Variants in NCKAP1 observed in about 807,000 individuals in gnomAD.
The protein encoded by NCKAP1 is nck-associated protein 1.
A neutral mutation model predicts 151.2 loss-of-function variants in NCKAP1; 21 were observed. The ratio of observed to expected loss-of-function variants is 0.14; its 90% CI spans 0.10 to 0.20. NCKAP1 has a LOEUF of 0.20. Ranked by LOEUF, NCKAP1 falls within the 10% of genes least tolerant of loss-of-function variation. The pLI, the probability that NCKAP1 is intolerant of heterozygous loss-of-function variation, is 1.00. For missense variants in NCKAP1, 933 were observed against 1,352.1 expected, an observed-to-expected ratio of 0.69 and a Z score of 4.86; for synonymous variants, 484 against 451.8, an observed-to-expected ratio of 1.07 and a Z score of -0.90.
chr2:182,994,883 G>A lies in NCKAP1; in HGVS notation c.746C>T (p.Pro249Leu). Residue 249 changes from proline to leucine, a missense_variant, in exon 8 of 31, where the codon CCT becomes CTT. Physicochemically the swap from Pro to Leu is moderately conservative, Grantham distance 98 (BLOSUM62 -3). Around this residue, in one of 2 missense-constraint regions of NCKAP1, gnomAD observed 607 missense variants for 795.0 expected, o/e 0.76. Transcript: ENST00000361354. ...MLNPAQSDTM[P>L]CEYLSLDAME... ...TGCATCCAAAGAGAGGTATTCACAAGGCATCTTAAAAAGAGAATATATACA... is the reference window on the plus strand; with the variant it reads ...TGCATCCAAAGAGAGGTATTCACAAAGCATCTTAAAAAGAGAATATATACA... The A allele has an allele frequency of 6.2e-7, 1 of 1,603,452 alleles. No homozygotes were observed. Among genetic ancestry groups the A allele is most frequent in the South Asian group, 1.1e-5 (1 of 90,706 alleles).
Position 182,934,831 on chromosome 2 carries a change from A to G in NCKAP1, c.2780T>C (p.Val927Ala). 7.3e-7 allele frequency: 1 copy of G among 1,369,124 alleles called. No homozygotes were observed. The highest frequency in any genetic ancestry group is 1.0e-6 in the Non-Finnish European group (1 of 977,128). The allele number at this position is 1,369,124 out of a possible 1,614,324, so 84.8% of individuals were successfully genotyped here. The change falls in exon 26 of 31, where the codon GTC (valine) becomes GCC (alanine). Residue 927 changes from valine (V) to alanine (A), a missense_variant and splice_region_variant. Physicochemically the swap from Val to Ala is moderately conservative, Grantham distance 64. Coordinates refer to ENST00000361354, the MANE Select transcript of NCKAP1 (RefSeq NM_013436.5). Reference sequence around the variant, plus strand: ...AAGAAAAGGAATGTGGTAGGATAAGACCTAGGCAGGATAACAAATAAGAAT... The same window carrying G: ...AAGAAAAGGAATGTGGTAGGATAAGGCCTAGGCAGGATAACAAATAAGAAT... ...RSLAQEALRD[V>A]LSYHIPFLVS...
At chr2:183,034,154 T>C (rs1026517475) in intron 1 of NCKAP1, among the ~76,000 whole-genome samples, 2 of 152,124 alleles carry the variant, frequency 1.3e-5, no homozygotes, top group African/African-American at 4.8e-5. Flanking sequence ...ACTGCTCCCT[T>C]CACAAACATC....
At chr2:182,978,390 G>A (rs2105849885) in intron 14 of NCKAP1, among the ~76,000 whole-genome samples, 1 of 152,252 alleles carries the variant, frequency 6.6e-6, no homozygotes, top group African/African-American at 2.4e-5. Context: ...GGCAAATTAT[G>A]TTCAGTAACT....
At chr2:182,951,374 G>C (rs950755994) in intron 23 of NCKAP1, among the ~76,000 whole-genome samples, 3 of 151,476 alleles carry the variant, frequency 2.0e-5, no homozygotes, top group Admixed American at 6.6e-5. Context: ...ATTTTCTTAA[G>C]AAACTAAAAA....
At chr2:183,005,323 C>T (rs1433174368) in intron 2 of NCKAP1, among the ~76,000 whole-genome samples, 1 of 152,160 alleles carries the variant, frequency 6.6e-6, no homozygotes, top group African/African-American at 2.4e-5. Context: ...TTCCTTCCAA[C>T]TTCAGTGTCC....
intron 1 of NCKAP1, among the ~76,000 whole-genome samples, chr2:183,032,096 A>G (rs1699015043): frequency 6.6e-6 from 1 of 152,190 alleles, no homozygotes; most frequent in African/African-American, 2.4e-5. Context: ...CAGGATCCAG[A>G]TGTATGGAAT....
In NCKAP1 at chr2:182,978,861, T is replaced by A; in HGVS notation, c.1396A>T (p.Thr466Ser). 1 of 1,605,534 alleles carries A rather than the reference T, an allele frequency of 6.2e-7. No homozygotes were observed. Among genetic ancestry groups the A allele is most frequent in the South Asian group, 1.1e-5 (1 of 90,240 alleles). The stretch of plus-strand genomic sequence containing the variant: ...TGTTTTACACTTAGGGAAGTCATAG[T>A]GTTAACAAAAGAGGACATGATGATT... ...ESIIMSSFVN[T>S]MTSLSVKQVE... The change falls in exon 14 of 31, where the codon ACT becomes TCT. Residue 466 changes from threonine to serine, a missense_variant. Thr to Ser is a moderately conservative substitution (Grantham distance 58). This residue lies in a region of NCKAP1 where 607 missense variants were observed against 795.0 expected (regional missense o/e 0.76). Coordinates refer to ENST00000361354, the MANE Select transcript of NCKAP1 (RefSeq NM_013436.5).
intron 26 of NCKAP1, among the ~76,000 whole-genome samples, chr2:182,932,559 A>C (rs6726085): frequency 6.6e-5 from 10 of 152,052 alleles, no homozygotes; most frequent in Admixed American, 6.6e-4. Flanking sequence ...CAACTCTGTC[A>C]CTACACTAAA....
chr2:182,999,439 G>A (rs1472911323), intron 6 of NCKAP1, among the ~76,000 whole-genome samples: 2 of 151,906 alleles, frequency 1.3e-5, no homozygotes, highest in African/African-American at 2.4e-5. Context: ...AAAACCACTG[G>A]TAAAATGGGA....
intron 16 of NCKAP1, among the ~76,000 whole-genome samples, 190 bp from the exon 17 acceptor site, chr2:182,964,998 T>C (rs922425253): frequency 2.6e-5 from 4 of 152,160 alleles, no homozygotes; most frequent in Non-Finnish European, 5.9e-5. Context: ...ATATTATTTA[T>C]ATAACAATAA....
chr2:182,945,158 C>G (rs1697074893), intron 23 of NCKAP1, among the ~76,000 whole-genome samples: 1 of 151,980 alleles, frequency 6.6e-6, no homozygotes, highest in South Asian at 2.1e-4. Flanking sequence ...TCGCCTGAAC[C>G]CGGGAGGCAG....
chr2:182,939,852 A>C (rs1028155450), intron 24 of NCKAP1, among the ~76,000 whole-genome samples: 1 of 152,224 alleles, frequency 6.6e-6, no homozygotes, highest in Non-Finnish European at 1.5e-5. Flanking sequence ...AGATTTAATA[A>C]ATTCTATTTA....
At chr2:182,944,061 AT>A (rs1697050507) in intron 23 of NCKAP1, among the ~76,000 whole-genome samples, 1 of 152,188 alleles carries the variant, frequency 6.6e-6, no homozygotes, top group South Asian at 2.1e-4. Flanking sequence ...AAAAACCTGC[AT>A]TTTTAACCAG....
intron 27 of NCKAP1, 119 bp from the exon 28 acceptor site, chr2:182,929,018 T>C: frequency 1.6e-6 from 1 of 630,966 alleles, no homozygotes; most frequent in East Asian, 2.9e-5. Context: ...TTTGAAATAG[T>C]AAACTATTTT....
chr2:183,037,852 AC>A lies in NCKAP1; in HGVS notation c.108+139del, dbSNP rs1699134182. On this transcript the variant is annotated intron_variant, in intron 1 of 30. Coordinates refer to ENST00000361354, the MANE Select transcript of NCKAP1 (RefSeq NM_013436.5). ...CATTAGGCCGCGGCGCATCCAGGCGACCCCGGGCCGGGCCTCGGGCGGCGAC... is the reference window on the plus strand; with the variant it reads ...CATTAGGCCGCGGCGCATCCAGGCGACCCGGGCCGGGCCTCGGGCGGCGAC... The A allele has an allele frequency of 1.3e-5, 8 of 602,318 alleles. No homozygotes were observed. In the South Asian group the frequency reaches 1.7e-4, roughly 13 times the overall value. 37.3% of individuals were successfully genotyped at this position (602,318 alleles called of 1,614,324 possible).
chr2:182,971,393 C>CAAA lies in NCKAP1; in HGVS notation c.1483-4035_1483-4033dup, dbSNP rs1190689259. Among the ~76,000 whole-genome samples the CAAA allele has an allele frequency of 1.8e-3, 121 of 68,822 alleles. 3 individuals are homozygous for CAAA. Among genetic ancestry groups the CAAA allele is most frequent in the African/African-American group, 4.2e-3 (81 of 19,248 alleles). 45.1% of individuals were successfully genotyped at this position (68,822 alleles called of 152,430 possible). Reference sequence around the variant, plus strand: ...TGGGCGACAGAGCGAGACTCCGTCTCAAAAAAAAAAAAAAAAAAAAAAAGA... The same window carrying CAAA: ...TGGGCGACAGAGCGAGACTCCGTCTCAAAAAAAAAAAAAAAAAAAAAAAAAAGA... On this transcript the variant is annotated intron_variant, in intron 15 of 30. Transcript: ENST00000361354.
chr2:182,951,926 T>G (rs528896198), intron 23 of NCKAP1, among the ~76,000 whole-genome samples: 1 of 152,298 alleles, frequency 6.6e-6, no homozygotes, highest in South Asian at 2.1e-4. Context: ...ACTGAAACAT[T>G]AAGCATTCTG....
At chr2:182,947,645 A>G (rs1367966607) in intron 23 of NCKAP1, among the ~76,000 whole-genome samples, 1 of 152,190 alleles carries the variant, frequency 6.6e-6, no homozygotes, top group Non-Finnish European at 1.5e-5. Context: ...TTTGGAAATA[A>G]GGAGGTCTGA....
At chr2:182,939,720 C>A (rs1696956530) in intron 24 of NCKAP1, among the ~76,000 whole-genome samples, 1 of 151,626 alleles carries the variant, frequency 6.6e-6, no homozygotes, top group Admixed American at 6.6e-5. Flanking sequence ...GAAGGAAGCA[C>A]AAAAGAATTA....
Sources: allele counts gnomAD v4.1 joint callset (sites outside exome capture counted in the v4.1 genomes callset), GRCh38; gene constraint gnomAD v4.1.1; regional missense constraint gnomAD v4.1.1; transcripts MANE v1.5; gene names NCBI Gene and HGNC (gene_info 2026-07-23, HGNC 2026-07-21).